The following FBXL13 variants were observed in gnomAD, a reference collection of about 807,000 sequenced individuals.
FBXL13 encodes F-box and leucine rich repeat protein 13, also known as F-box and leucine-rich repeat protein 13.
A neutral mutation model predicts 83.6 loss-of-function variants in FBXL13; 67 were observed. The ratio of observed to expected loss-of-function variants is 0.80; its 90% CI spans 0.66 to 0.98. FBXL13 has a LOEUF of 0.98. Ranked by LOEUF, FBXL13 falls within the 50% of genes least tolerant of loss-of-function variation. FBXL13 has a pLI of 0.00. For missense variants in FBXL13, 822 were observed against 866.5 expected (o/e 0.95, Z 0.64); for synonymous variants, 272 against 299.5 (o/e 0.91, Z 0.95).
chr7:102,893,629 G>A (rs1811813894), intron 11 of FBXL13, among the ~76,000 whole-genome samples: 1 of 152,034 alleles, frequency 6.6e-6, no homozygotes, highest in Admixed American at 6.6e-5. Flanking sequence ...TTAGCCAGGT[G>A]TGGTGGCGGG....
chr7:103,020,947 T>C (rs1047088580), intron 6 of FBXL13, among the ~76,000 whole-genome samples: 7 of 152,210 alleles, frequency 4.6e-5, no homozygotes, highest in Non-Finnish European at 1.0e-4. Flanking sequence ...CCCATCAAGC[T>C]ACCACTGACT....
At chr7:103,006,014 T>A (rs901697341) in intron 6 of FBXL13, among the ~76,000 whole-genome samples, 5 of 152,088 alleles carry the variant, frequency 3.3e-5, no homozygotes, top group African/African-American at 1.2e-4. Context: ...AAAAAATATA[T>A]GAAACAACTG....
chr7:102,964,844 T>C (rs1004942606), intron 7 of FBXL13, among the ~76,000 whole-genome samples: 1 of 152,208 alleles, frequency 6.6e-6, no homozygotes, highest in African/African-American at 2.4e-5. Flanking sequence ...TAACGAAAGA[T>C]AGGAAACAAC....
chr7:102,973,657 C>A (rs1322792138), intron 6 of FBXL13: 1 of 766,384 alleles, frequency 1.3e-6, no homozygotes, highest in Non-Finnish European at 2.4e-6. Context: ...TCTTCGTCCC[C>A]CGTGGACCTA....
At chr7:102,931,585 G>C (rs574397655) in intron 9 of FBXL13, among the ~76,000 whole-genome samples, 1 of 152,100 alleles carries the variant, frequency 6.6e-6, no homozygotes, top group East Asian at 1.9e-4. Flanking sequence ...CATGTCTACT[G>C]GGGCCCAATT....
chr7:102,953,299 C>T (rs181295634), intron 8 of FBXL13, among the ~76,000 whole-genome samples: 1 of 151,906 alleles, frequency 6.6e-6, no homozygotes, highest in African/African-American at 2.4e-5. Flanking sequence ...AAGGATTATA[C>T]ACCATGATGT....
chr7:103,050,287 T>C (rs1415937374), intron 2 of FBXL13, among the ~76,000 whole-genome samples: 6 of 152,166 alleles, frequency 3.9e-5, no homozygotes, highest in Admixed American at 3.9e-4. Flanking sequence ...GGTAAGAAAT[T>C]CTTACCCTTT....
downstream of FBXL13, among the ~76,000 whole-genome samples, chr7:102,812,151 C>T (rs1034468347): frequency 6.6e-5 from 10 of 152,156 alleles, no homozygotes; most frequent in Middle Eastern, 3.2e-3. Flanking sequence ...GCAGTCAGAA[C>T]AGAGTTGTGT....
At chr7:102,951,237 C>T (rs989611795) in intron 8 of FBXL13, among the ~76,000 whole-genome samples, 6 of 151,688 alleles carry the variant, frequency 4.0e-5, no homozygotes, top group Non-Finnish European at 8.8e-5. Context: ...GAGGCCAAGG[C>T]GGGTGGATCA....
chr7:102,927,087 G>GA (rs1818285160), intron 9 of FBXL13, among the ~76,000 whole-genome samples: 1 of 152,180 alleles, frequency 6.6e-6, no homozygotes. Context: ...AAGAGAGACA[G>GA]AAAAACAGAG....
intron 11 of FBXL13, among the ~76,000 whole-genome samples, chr7:102,912,671 A>AACCC (rs1814922725): frequency 8.2e-5 from 6 of 73,536 alleles, no homozygotes; most frequent in Admixed American, 1.7e-4. Context: ...ATAGCATTTT[A>AACCC]CCCCCCCCCC....
intron 17 of FBXL13, among the ~76,000 whole-genome samples, chr7:102,834,380 T>TTA (rs138627096): frequency 0.041 from 5,966 of 145,262 alleles, 406 homozygotes; most frequent in African/African-American, 0.14. Context: ...TATATATAAA[T>TTA]TATATATATA....
intron 2 of FBXL13, among the ~76,000 whole-genome samples, chr7:103,045,707 G>A (rs771290731): frequency 1.3e-5 from 2 of 152,156 alleles, no homozygotes; most frequent in Admixed American, 6.5e-5. Context: ...GTTTGGTTTG[G>A]CCTGTTGGGG....
intron 7 of FBXL13, 81 bp downstream of exon 8, chr7:102,967,940 TC>T: frequency 2.0e-6 from 2 of 999,626 alleles, no homozygotes. Context: ...GAAGAAGGTG[TC>T]CCCACAACAG....
At chr7:102,820,623 A>T (rs981796949) in intron 19 of FBXL13, among the ~76,000 whole-genome samples, 1 of 152,212 alleles carries the variant, frequency 6.6e-6, no homozygotes, top group African/African-American at 2.4e-5. Context: ...TTGTGTTGCC[A>T]TAACAGACTA....
At chr7:102,984,424 A>T (rs965969834) in intron 6 of FBXL13, among the ~76,000 whole-genome samples, 7 of 152,186 alleles carry the variant, frequency 4.6e-5, no homozygotes, top group Non-Finnish European at 8.8e-5. Flanking sequence ...TAATTACTTA[A>T]AGGAATTGGC....
At chr7:102,921,101 G>A (rs991565040) in intron 10 of FBXL13, among the ~76,000 whole-genome samples, 6 of 152,154 alleles carry the variant, frequency 3.9e-5, no homozygotes, top group East Asian at 1.9e-4. Context: ...GCAGTGAGCC[G>A]AGATCACTTC....
chr7:102,999,712 A>G (rs1790191844), intron 6 of FBXL13, among the ~76,000 whole-genome samples: 1 of 151,684 alleles, frequency 6.6e-6, no homozygotes, highest in South Asian at 2.1e-4. Flanking sequence ...GATGTTCACA[A>G]TACTCTCTAA....
intron 10 of FBXL13, among the ~76,000 whole-genome samples, chr7:102,921,058 A>C (rs969356597): frequency 3.3e-5 from 5 of 152,132 alleles, no homozygotes; most frequent in African/African-American, 7.2e-5. Flanking sequence ...AGGCTGAGGC[A>C]GGAGAATCCT....
Sources: allele counts gnomAD v4.1 joint callset (sites outside exome capture counted in the v4.1 genomes callset), GRCh38; gene constraint gnomAD v4.1.1; transcripts MANE v1.5; gene names NCBI Gene and HGNC (gene_info 2026-07-23, HGNC 2026-07-21).